The following PLAG1 variants were observed in gnomAD, a reference collection of about 807,000 sequenced individuals.
PLAG1 encodes PLAG1 zinc finger, also known as zinc finger protein PLAG1.
In PLAG1, 7 loss-of-function variants were observed where a neutral mutation model predicts 35.5. The ratio of observed to expected loss-of-function variants is 0.20; its 90% CI spans 0.11 to 0.37. The LOEUF (loss-of-function observed/expected upper bound fraction) is 0.37, where lower values mean the gene tolerates loss of function less well. Ranked by LOEUF, PLAG1 falls within the 10% of genes least tolerant of loss-of-function variation. The pLI is 1.00. For synonymous variants in PLAG1, 229 were observed against 225.4 expected (o/e 1.02, Z -0.14); for missense variants, 454 against 602.8 (o/e 0.75, Z 2.58).
At chr8:56,175,061 T>C (rs943340646) in intron 2 of PLAG1, among the ~76,000 whole-genome samples, 1 of 152,186 alleles carries the variant, frequency 6.6e-6, no homozygotes, top group Non-Finnish European at 1.5e-5. Context: ...GATAATGTAG[T>C]ATGAACACAA....
At position 56,171,167 on chromosome 8, in the gene PLAG1, C is replaced by T; in HGVS notation, c.-194G>A. 2.0e-6 allele frequency: 2 copies of T among 976,718 alleles called. No homozygotes were observed. Among genetic ancestry groups the T allele is most frequent in the Non-Finnish European group, 2.4e-6 (2 of 821,824 alleles). The allele number at this position is 976,718 out of a possible 1,614,324, so 60.5% of individuals were successfully genotyped here. ...ACTCTTCGTGGAAGAGAGTGGAATC[C>T]AATCCTTCCCATTTTGGCCAATCTA... On this transcript the variant is annotated 5_prime_UTR_variant, in exon 3 of 5. Transcript: ENST00000316981.
At chr8:56,178,601 T>A (rs1387591657) in intron 2 of PLAG1, among the ~76,000 whole-genome samples, 1 of 152,300 alleles carries the variant, frequency 6.6e-6, no homozygotes, top group East Asian at 1.9e-4. Context: ...TGTTGATGTA[T>A]CTTGTGAAAC....
chr8:56,198,915 G>C (rs1291900250), intron 1 of PLAG1, among the ~76,000 whole-genome samples: 1 of 152,212 alleles, frequency 6.6e-6, no homozygotes, highest in Non-Finnish European at 1.5e-5. Context: ...CTTGACCTGT[G>C]TGGCAGGCAC....
At chr8:56,177,163 T>C (rs1184344824) in intron 2 of PLAG1, among the ~76,000 whole-genome samples, 1 of 152,206 alleles carries the variant, frequency 6.6e-6, no homozygotes, top group Non-Finnish European at 1.5e-5. Flanking sequence ...GCTTGTGCTA[T>C]GGCATAAATG....
intron 1 of PLAG1, among the ~76,000 whole-genome samples, chr8:56,196,117 C>CT (rs1274257925): frequency 6.6e-6 from 1 of 152,106 alleles, no homozygotes; most frequent in Non-Finnish European, 1.5e-5. Context: ...AAGAGAACCC[C>CT]TAGTAGAACG....
chr8:56,166,654 T>C lies in PLAG1; in HGVS notation c.1092A>G (p.Gln364=). ...CTTGGGATGAAGAGGGCACGCCACC[T>C]TGTAACTCCATCAGGTAACTCTCAA... ...GEIESYLMEL[Q]GGVPSSSQDS... Residue 364 remains glutamine (Q), a synonymous_variant, in exon 5 of 5, where the codon CAA becomes CAG. Coordinates refer to ENST00000316981, the MANE Select transcript of PLAG1 (RefSeq NM_002655.3). 6.2e-7 allele frequency: 1 copy of C among 1,614,100 alleles called. No homozygotes were observed.
rs142243502 is a variant in PLAG1, at chr8:56,201,144, T to C, written c.-322+9977A>G. On this transcript the variant is annotated intron_variant, in intron 1 of 4. Coordinates refer to ENST00000316981, the MANE Select transcript of PLAG1 (RefSeq NM_002655.3). ...CTTTAGTAATTGGGACAATACCATA[T>C]ACTGTATTAAATTCTTTTAACTCTC... Among the ~76,000 whole-genome samples, 68 of 152,298 alleles carry C rather than the reference T, an allele frequency of 4.5e-4. 2 individuals carry two copies. The East Asian group carries it at 0.013, about 28-fold the overall frequency.
Position 56,206,269 on chromosome 8 carries a change from T to C in PLAG1, c.-322+4852A>G, listed in dbSNP as rs529395171. On this transcript the variant is annotated intron_variant, in intron 1 of 4. Coordinates refer to ENST00000316981, the MANE Select transcript of PLAG1 (RefSeq NM_002655.3). ...GACAGCAGACTAATCGATTTAAAAG[T>C]AAAAATCAAATTATGTCCCTGTAAT... is the stretch of plus-strand genomic sequence containing the variant. 1.3e-5 allele frequency among the ~76,000 whole-genome samples: 2 copies of C among 152,078 alleles called. 1 individual carries two copies. The highest frequency in any genetic ancestry group is 6.8e-3 in the Middle Eastern group (2 of 294).
chr8:56,201,809 T>C (rs1812561711), intron 1 of PLAG1, among the ~76,000 whole-genome samples: 1 of 152,200 alleles, frequency 6.6e-6, no homozygotes. Context: ...GACTGATAGG[T>C]AGCCAAAGTA....
intron 1 of PLAG1, among the ~76,000 whole-genome samples, chr8:56,203,101 T>G (rs1812601229): frequency 6.6e-6 from 1 of 152,174 alleles, no homozygotes; most frequent in East Asian, 1.9e-4. Flanking sequence ...GATCTTTAAG[T>G]AATTTTGACC....
At position 56,163,835 on chromosome 8, in the gene PLAG1, T is replaced by G. The variant is rs1811278777; in HGVS notation, c.*2408A>C. ...TGTCTCAGTTCACTAATTTGATGAC[T>G]TCTTAAGTACATTTTAAACAGAATA... On this transcript the variant is annotated 3_prime_UTR_variant, in exon 5 of 5. Coordinates refer to ENST00000316981, the MANE Select transcript of PLAG1 (RefSeq NM_002655.3). 5.3e-6 allele frequency: 1 copy of G among 188,184 alleles called. No homozygotes were observed. Among genetic ancestry groups the G allele is most frequent in the East Asian group, 8.5e-5 (1 of 11,748 alleles). The allele number at this position is 188,184 out of a possible 1,614,324, so 11.7% of individuals were successfully genotyped here.
In PLAG1 at chr8:56,165,682, G is replaced by A. The variant is rs1304405300; in HGVS notation, c.*561C>T. On this transcript the variant is annotated 3_prime_UTR_variant, in exon 5 of 5. Transcript: ENST00000316981. ...AAATATTTTAGCCAGACAACAGGGA[G>A]TCTTCAGAATATACTGATCTGAAAT... is the stretch of plus-strand genomic sequence containing the variant. 1 of 197,302 alleles carries A rather than the reference G, an allele frequency of 5.1e-6. No individual in the cohort carries two copies. Among genetic ancestry groups the A allele is most frequent in the Non-Finnish European group, 1.1e-5 (1 of 95,168 alleles). The allele number at this position is 197,302 out of a possible 1,614,324, so 12.2% of individuals were successfully genotyped here.
intron 1 of PLAG1, among the ~76,000 whole-genome samples, chr8:56,181,629 G>C (rs2129228439): frequency 6.6e-6 from 1 of 152,202 alleles, no homozygotes. Flanking sequence ...TAGATGACGG[G>C]TTGATGGGTG....
intron 2 of PLAG1, among the ~76,000 whole-genome samples, chr8:56,175,714 TA>T (rs1811666278): frequency 6.6e-6 from 1 of 152,154 alleles, no homozygotes; most frequent in Non-Finnish European, 1.5e-5. Flanking sequence ...ATACAGATAA[TA>T]AAAACTAATT....
intron 2 of PLAG1, among the ~76,000 whole-genome samples, chr8:56,172,573 T>C (rs1475885680): frequency 6.6e-6 from 1 of 152,184 alleles, no homozygotes; most frequent in Non-Finnish European, 1.5e-5. Context: ...ACGTGTGGAG[T>C]GTTTTCATCT....
At position 56,167,634 on chromosome 8, in the gene PLAG1, A is replaced by G; in HGVS notation, c.243-131T>C. On this transcript the variant is annotated intron_variant, in intron 4 of 4. Transcript: ENST00000316981. The surrounding 1 kb of genome is among the most constrained non-coding windows in gnomAD (Gnocchi z 5.9). ...TAATGGAAACTGTTTAACTTAATAT[A>G]TACCACGAGGATAGTTAATATACCT... The G allele has an allele frequency of 1.6e-6, 1 of 644,786 alleles. No homozygotes were observed. Among genetic ancestry groups the G allele is most frequent in the Non-Finnish European group, 2.6e-6 (1 of 378,500 alleles). 39.9% of individuals were successfully genotyped at this position (644,786 alleles called of 1,614,324 possible).
At chr8:56,187,188 G>T (rs1261278423) in intron 1 of PLAG1, among the ~76,000 whole-genome samples, 1 of 152,116 alleles carries the variant, frequency 6.6e-6, no homozygotes, top group South Asian at 2.1e-4. Context: ...TCCTCAGTTT[G>T]CCCCCATTCC....
At chr8:56,171,536 TAA>T (rs1377174379) in intron 2 of PLAG1, 2 of 152,250 alleles carry the variant, frequency 1.3e-5, no homozygotes, top group East Asian at 3.9e-4. Flanking sequence ...AAAATTTTAT[TAA>T]GTTTATTAAT....
chr8:56,190,991 G>T (rs1037519608), intron 1 of PLAG1, among the ~76,000 whole-genome samples: 1 of 152,162 alleles, frequency 6.6e-6, no homozygotes, highest in Admixed American at 6.5e-5. Flanking sequence ...ACGTGCTGGA[G>T]GAACGTGGGA....
Sources: gnomAD v4.1 joint callset for allele counts (sites outside exome capture counted in the v4.1 genomes callset) on GRCh38, gnomAD v4.1.1 for gene constraint, Gnocchi (gnomAD v3.1) non-coding constraint, MANE v1.5 for transcripts, NCBI Gene and HGNC (gene_info 2026-07-23, HGNC 2026-07-21) for gene names.